The following SEPTIN8 variants were observed in gnomAD, a reference collection of about 807,000 sequenced individuals.
SEPTIN8 encodes septin 8.
A neutral mutation model predicts 53.1 loss-of-function variants in SEPTIN8; 22 were observed. The observed-to-expected ratio is 0.41, with a 90% CI of 0.30 to 0.59. SEPTIN8 has a LOEUF of 0.59. Ranked by LOEUF, SEPTIN8 falls within the 20% of genes least tolerant of loss-of-function variation. The pLI, the probability that SEPTIN8 is intolerant of heterozygous loss-of-function variation, is 0.24. For synonymous variants in SEPTIN8, 228 were observed against 248.4 expected (o/e 0.92, Z 0.77); for missense variants, 536 against 638.7 (o/e 0.84, Z 1.73).
Position 132,763,806 on chromosome 5 carries a change from T to G in SEPTIN8, c.434A>C (p.Tyr145Ser). 1 of 1,613,000 alleles carries G rather than the reference T, an allele frequency of 6.2e-7. No individual in the cohort carries two copies. Among genetic ancestry groups the G allele is most frequent in the Non-Finnish European group, 8.5e-7 (1 of 1,179,546 alleles). The change falls in exon 4 of 10, where the codon TAC becomes TCC. Residue 145 changes from tyrosine to serine, a missense_variant. This residue lies in a region of SEPTIN8 where 395 missense variants were observed against 451.8 expected (regional missense o/e 0.87). Transcript: ENST00000378719. Reference sequence around the variant, plus strand: ...GCAAACGTGGATCCTTGTGTCATGGTAGTCGAAGAGCGAGCGGCGGATCTT... The same window carrying G: ...GCAAACGTGGATCCTTGTGTCATGGGAGTCGAAGAGCGAGCGGCGGATCTT... ...ELKIRRSLFD[Y>S]HDTRIHVCLY...
In SEPTIN8 at chr5:132,760,965, G is replaced by A. The variant is rs781565363; in HGVS notation, c.1123C>T (p.Arg375Trp). Residue 375 changes from arginine to tryptophan, a missense_variant, in exon 9 of 10, where the codon CGG becomes TGG. Around this residue, in one of 3 missense-constraint regions of SEPTIN8, gnomAD observed 133 missense variants for 157.4 expected, o/e 0.84. Coordinates refer to ENST00000378719, the MANE Select transcript of SEPTIN8 (RefSeq NM_001098811.2). This position sits in a 1 kb window ranked among gnomAD's most constrained non-coding sequence, Gnocchi z 5.2. ...ELHEKFEHLK[R>W]VHQEEKRKVE... ...TTGCGCTTCTCCTCCTGGTGGACCC[G>A]CTTCAGGTGCTCAAACTTCTCATGG... is the stretch of plus-strand genomic sequence containing the variant. 6.9e-6 allele frequency: 11 copies of A among 1,584,588 alleles called. No individual in the cohort carries two copies. Among genetic ancestry groups the A allele is most frequent in the Middle Eastern group, 3.4e-4 (2 of 5,804 alleles).
intron 1 of SEPTIN8, among the ~76,000 whole-genome samples, chr5:132,768,578 C>T (rs891897358): frequency 1.3e-5 from 2 of 152,234 alleles, no homozygotes; most frequent in Admixed American, 6.5e-5. Context: ...GGACCTCCTG[C>T]ACATCTCAGC....
rs571996986 is a variant in SEPTIN8 at position 132,776,908 on chromosome 5, C to G, written c.30+200G>C. Among the ~76,000 whole-genome samples, 107 of 152,226 alleles carry G rather than the reference C, an allele frequency of 7.0e-4. No individual in the cohort carries two copies. The highest frequency in any genetic ancestry group is 2.5e-3 in the African/African-American group (106 of 41,574). ...CCAGGAAGCGACCCCGACCAGCCGC[C>G]CGGCAAGGCAGGCCGCCCGACGCTC... On this transcript the variant is annotated intron_variant, in intron 1 of 9. Coordinates refer to ENST00000378719, the MANE Select transcript of SEPTIN8 (RefSeq NM_001098811.2). The surrounding 1 kb of genome is among the most constrained non-coding windows in gnomAD (Gnocchi z 4.4).
chr5:132,757,784 T>G, intron 9 of SEPTIN8: 2 of 985,444 alleles, frequency 2.0e-6, no homozygotes, highest in Non-Finnish European at 2.4e-6. Flanking sequence ...TGTTCCCCTT[T>G]AGAGTGCAGC....
In SEPTIN8 at chr5:132,770,004, T is replaced by C. The variant is rs866877290; in HGVS notation, c.31-4475A>G. ...ATACATATATATATATATATATATA[T>C]ATATATATATATATATATACACACA... On this transcript the variant is annotated intron_variant, in intron 1 of 9. Coordinates refer to ENST00000378719, the MANE Select transcript of SEPTIN8 (RefSeq NM_001098811.2). 3.1e-3 allele frequency among the ~76,000 whole-genome samples: 157 copies of C among 50,308 alleles called. 4 individuals carry two copies. The highest frequency in any genetic ancestry group is 0.025 in the East Asian group (48 of 1,896). 33.0% of individuals were successfully genotyped at this position (50,308 alleles called of 152,430 possible).
intron 3 of SEPTIN8, 70 bp from the exon 4 acceptor site, chr5:132,763,962 G>A: frequency 6.9e-7 from 1 of 1,442,160 alleles, no homozygotes; most frequent in Non-Finnish European, 9.3e-7. Context: ...GGGGCTCAGG[G>A]CTCGGGGCCA....
intron 1 of SEPTIN8, among the ~76,000 whole-genome samples, chr5:132,766,459 A>G (rs986038551): frequency 2.0e-4 from 30 of 152,204 alleles, no homozygotes; most frequent in African/African-American, 7.0e-4. Flanking sequence ...TCATGGTCAC[A>G]CTCCAACTTG....
In SEPTIN8 at chr5:132,763,829, C is replaced by T; in HGVS notation, c.411G>A (p.Lys137=). 6.2e-7 allele frequency: 1 copy of T among 1,610,192 alleles called. No individual in the cohort carries two copies. The highest frequency in any genetic ancestry group is 1.1e-5 in the South Asian group (1 of 90,536). Residue 137 remains lysine (K), a synonymous_variant, in exon 4 of 10, where the codon AAG becomes AAA. Coordinates refer to ENST00000378719, the MANE Select transcript of SEPTIN8 (RefSeq NM_001098811.2). ...QFENYLQEEL[K]IRRSLFDYHD... ...GGTAGTCGAAGAGCGAGCGGCGGAT[C>T]TTCAGCTCCTCCTGCAGATAATTTT... is the stretch of plus-strand genomic sequence containing the variant.
At chr5:132,771,071 G>A (rs1450968605) in intron 1 of SEPTIN8, among the ~76,000 whole-genome samples, 1 of 152,182 alleles carries the variant, frequency 6.6e-6, no homozygotes, top group East Asian at 1.9e-4. Flanking sequence ...ATTTTGTTAC[G>A]CAGCCCAGTG....
chr5:132,763,658 G>A (rs375863347), intron 4 of SEPTIN8, 48 bp downstream of exon 4: 62 of 1,558,236 alleles, frequency 4.0e-5, no homozygotes, highest in African/African-American at 2.6e-4. Flanking sequence ...ACATCGCATC[G>A]CAGCAGAAGA....
At chr5:132,779,246 A>G (rs114052532), upstream of SEPTIN8, among the ~76,000 whole-genome samples, 1,632 of 152,308 alleles carry the variant, frequency 0.011, 34 homozygotes, top group African/African-American at 0.034. Context: ...TATAACGATC[A>G]TTTCTCACAT....
At chr5:132,770,992 A>C (rs1186830262) in intron 1 of SEPTIN8, among the ~76,000 whole-genome samples, 1 of 152,210 alleles carries the variant, frequency 6.6e-6, no homozygotes, top group Non-Finnish European at 1.5e-5. Context: ...GACAACAACC[A>C]AAACAATAAC....
chr5:132,756,846 A>G, intron 9 of SEPTIN8: 3 of 985,434 alleles, frequency 3.0e-6, no homozygotes, highest in Non-Finnish European at 3.6e-6. Flanking sequence ...CCAGAGTCCT[A>G]GGTTGGCCCA....
intron 2 of SEPTIN8, among the ~76,000 whole-genome samples, chr5:132,764,879 C>A (rs1241428200): frequency 6.6e-6 from 1 of 152,104 alleles, no homozygotes; most frequent in Non-Finnish European, 1.5e-5. Flanking sequence ...ATGGCTTTAG[C>A]TGGGGGAACT....
At chr5:132,756,593 G>T (rs527597363) in intron 9 of SEPTIN8, 1 of 985,426 alleles carries the variant, frequency 1.0e-6, no homozygotes. Context: ...ATGCACCAAG[G>T]TTTAATTTGG....
Position 132,753,283 on chromosome 5 carries a change from C to A in SEPTIN8, c.1287-1102G>T, listed in dbSNP as rs544202961. ...AGCTTGTTTTACCTTCCTTCTCCAGCAAGGGTTGGCATTGGCCCCTGGGAG... is the reference window on the plus strand; with the variant it reads ...AGCTTGTTTTACCTTCCTTCTCCAGAAAGGGTTGGCATTGGCCCCTGGGAG... On this transcript the variant is annotated intron_variant, in intron 9 of 9. Coordinates refer to ENST00000378719, the MANE Select transcript of SEPTIN8 (RefSeq NM_001098811.2). The A allele has an allele frequency of 6.2e-5, 20 of 322,248 alleles. 1 individual carries two copies. In the South Asian group the frequency reaches 9.2e-4, roughly 15 times the overall value. The allele number at this position is 322,248 out of a possible 1,614,324, so 20.0% of individuals were successfully genotyped here.
In SEPTIN8 at chr5:132,758,701, G is replaced by C. The variant is rs2149960426; in HGVS notation, c.1286+2101C>G. The C allele has an allele frequency of 4.4e-6, 7 of 1,604,328 alleles. No individual in the cohort carries two copies. In the South Asian group the frequency reaches 7.8e-5, roughly 18 times the overall value. On this transcript the variant is annotated intron_variant, in intron 9 of 9. Coordinates refer to ENST00000378719, the MANE Select transcript of SEPTIN8 (RefSeq NM_001098811.2). ...AGCAAGGCTGTAAACACTGGAGTCT[G>C]TACCGGCTCCCAGTCCGTCCTCACA... is the stretch of plus-strand genomic sequence containing the variant.
chr5:132,761,997 G>T lies in SEPTIN8; in HGVS notation c.697-101C>A. 2 of 970,722 alleles carry T rather than the reference G, an allele frequency of 2.1e-6. No homozygotes were observed. Among genetic ancestry groups the T allele is most frequent in the Non-Finnish European group, 3.0e-6 (2 of 659,556 alleles). 60.1% of individuals were successfully genotyped at this position (970,722 alleles called of 1,614,324 possible). ...GTCCTAGGGAGGGGCAGCCAGACCTGAACAAAGGCTCCAGGGCCAGATGCT... is the reference window on the plus strand; with the variant it reads ...GTCCTAGGGAGGGGCAGCCAGACCTTAACAAAGGCTCCAGGGCCAGATGCT... On this transcript the variant is annotated intron_variant, in intron 5 of 9. Transcript: ENST00000378719. The surrounding 1 kb of genome is among the most constrained non-coding windows in gnomAD (Gnocchi z 5.8).
chr5:132,753,539 T>TTACATAAG (rs1169794462), intron 9 of SEPTIN8: 9 of 153,702 alleles, frequency 5.9e-5, no homozygotes, highest in African/African-American at 2.2e-4. Flanking sequence ...GACTTATGTC[T>TTACATAAG]TCCCTTTACA....
Sources: gnomAD v4.1 joint callset for allele counts (sites outside exome capture counted in the v4.1 genomes callset) on GRCh38, gnomAD v4.1.1 for gene constraint, gnomAD v4.1.1 regional missense constraint, Gnocchi (gnomAD v3.1) non-coding constraint, MANE v1.5 for transcripts, NCBI Gene and HGNC (gene_info 2026-07-23, HGNC 2026-07-21) for gene names.